The following CXorf58 variants were observed in gnomAD, a reference collection of about 807,000 sequenced individuals.
CXorf58 encodes the protein uncharacterized protein CXorf58.
A neutral mutation model predicts 26.0 loss-of-function variants in CXorf58; 24 were observed. The observed-to-expected ratio is 0.92, with a 90% CI of 0.67 to 1.30. The LOEUF (loss-of-function observed/expected upper bound fraction) is 1.30, where lower values mean the gene tolerates loss of function less well. CXorf58 is among the 50% of genes most tolerant of loss of function. The probability of loss-of-function intolerance (pLI) is 0.00; values close to 1 mark genes in which losing one functional copy is unlikely to be tolerated. For missense variants in CXorf58, 236 were observed against 263.9 expected (o/e 0.89, Z 0.73); for synonymous variants, 87 against 86.1 (o/e 1.01, Z -0.06).
intron 6 of CXorf58, among the ~76,000 whole-genome samples, chrX:23,934,814 G>A (rs1454541340): frequency 1.8e-5 from 2 of 110,079 alleles, no homozygotes; most frequent in African/African-American, 6.6e-5. Flanking sequence ...GTGAGCCACC[G>A]CACCTGGCCA....
At chrX:23,937,004 GC>G (rs1928310151) in intron 7 of CXorf58, among the ~76,000 whole-genome samples, 1 of 112,178 alleles carries the variant, frequency 8.9e-6, no homozygotes, top group African/African-American at 3.2e-5. Flanking sequence ...TAATTTAAGA[GC>G]CAAATAATTA....
intron 5 of CXorf58, among the ~76,000 whole-genome samples, chrX:23,917,596 T>C (rs1454531632): frequency 9.2e-6 from 1 of 109,136 alleles, no homozygotes; most frequent in African/African-American, 3.3e-5. Flanking sequence ...TTTTGTATTT[T>C]TAGTAGAGAC....
intron 6 of CXorf58, among the ~76,000 whole-genome samples, chrX:23,931,058 T>C (rs970320167): frequency 1.4e-4 from 16 of 112,288 alleles, no homozygotes; most frequent in Admixed American, 1.2e-3. Flanking sequence ...GGTCTGCAAC[T>C]AGACCCACAA....
intron 5 of CXorf58, among the ~76,000 whole-genome samples, chrX:23,920,662 C>T (rs1358972695): frequency 9.9e-5 from 11 of 111,124 alleles, no homozygotes; most frequent in African/African-American, 3.3e-4. Flanking sequence ...GAGGCCGAGG[C>T]GGGAGGATAA....
intron 6 of CXorf58, among the ~76,000 whole-genome samples, chrX:23,933,885 A>C (rs376086322): frequency 2.4e-3 from 212 of 89,141 alleles, no homozygotes; most frequent in African/African-American, 7.2e-3. Context: ...CGTCCCCCCC[A>C]AAAAAAAAAA....
At chrX:23,911,067 T>C (rs1291413864) in intron 2 of CXorf58, among the ~76,000 whole-genome samples, 1 of 111,073 alleles carries the variant, frequency 9.0e-6, no homozygotes, top group Non-Finnish European at 1.9e-5. Context: ...GTGTCTGGCC[T>C]AGCCTTTTCT....
chrX:23,915,798 A>G lies in CXorf58; in HGVS notation c.311+4A>G. 2.0e-6 allele frequency: 2 copies of G among 1,018,421 alleles called. No homozygotes were observed. 83.9% of individuals were successfully genotyped at this position (1,018,421 alleles called of 1,213,427 possible). A position where few individuals can be genotyped will look rare whatever the true frequency, so the allele number is the denominator to read the frequency against. ...TGCAGTGTAAAATTAGATTCAGGTAATGTATCTATGCTGATTTATTTCAAG... is the reference window on the plus strand; with the variant it reads ...TGCAGTGTAAAATTAGATTCAGGTAGTGTATCTATGCTGATTTATTTCAAG... On this transcript the variant is annotated splice_donor_region_variant and intron_variant, in intron 4 of 8. Transcript: ENST00000379211.
At position 23,939,434 on chromosome X, in the gene CXorf58, C is replaced by T. The variant is rs897385834; in HGVS notation, c.*131C>T. 9 of 444,813 alleles carry T rather than the reference C, an allele frequency of 2.0e-5. 1 individual carries two copies. In the African/African-American group the frequency reaches 2.2e-4, roughly 11 times the overall value. The allele number at this position is 444,813 out of a possible 1,213,427, so 36.7% of individuals were successfully genotyped here. On this transcript the variant is annotated 3_prime_UTR_variant, in exon 9 of 9. Coordinates refer to ENST00000379211, the MANE Select transcript of CXorf58 (RefSeq NM_152761.3). ...TAATGAACAGTTAATTGACAGAAAA[C>T]CAAAGTTGTTTAACAATCTGCTTGT...
intron 5 of CXorf58, among the ~76,000 whole-genome samples, chrX:23,923,796 C>T (rs1313198636): frequency 1.8e-5 from 2 of 111,048 alleles, no homozygotes; most frequent in African/African-American, 3.3e-5. Context: ...ACTGAAAATA[C>T]AGAAATTAGC....
chrX:23,912,725 C>T (rs919092631), intron 3 of CXorf58, among the ~76,000 whole-genome samples: 1 of 111,457 alleles, frequency 9.0e-6, no homozygotes, highest in Non-Finnish European at 1.9e-5. Flanking sequence ...GCCTGGGCGA[C>T]AGTGAGACTC....
intron 1 of CXorf58, among the ~76,000 whole-genome samples, chrX:23,910,050 C>A (rs1025549609): frequency 8.9e-5 from 10 of 111,779 alleles, no homozygotes; most frequent in South Asian, 7.3e-4. Context: ...GAGAAAAAGA[C>A]TGGAGACAGA....
chrX:23,920,504 G>A (rs770793920), intron 5 of CXorf58, among the ~76,000 whole-genome samples: 71 of 111,666 alleles, frequency 6.4e-4, no homozygotes, highest in Non-Finnish European at 1.2e-3. Flanking sequence ...TGCATGTGCG[G>A]CATTGACTCT....
chrX:23,928,347 A>AT (rs1211790172), intron 6 of CXorf58, among the ~76,000 whole-genome samples: 3 of 110,105 alleles, frequency 2.7e-5, no homozygotes, highest in African/African-American at 6.6e-5. Context: ...CTCCCAGCTA[A>AT]TTTTTTTGTA....
At chrX:23,923,573 A>T (rs767823531) in intron 5 of CXorf58, among the ~76,000 whole-genome samples, 1 of 105,020 alleles carries the variant, frequency 9.5e-6, no homozygotes, top group Non-Finnish European at 1.9e-5. Context: ...CGGGAGGCAG[A>T]GGTTACAGTG....
chrX:23,909,341 C>T (rs1213204506), intron 1 of CXorf58, among the ~76,000 whole-genome samples: 1 of 110,925 alleles, frequency 9.0e-6, no homozygotes, highest in Non-Finnish European at 1.9e-5. Flanking sequence ...GTAGTATTAA[C>T]ATTGATGACT....
Position 23,935,297 on chromosome X carries a change from T to C in CXorf58, c.657T>C (p.Tyr219=), listed in dbSNP as rs770343335. 2.9e-5 allele frequency: 35 copies of C among 1,205,841 alleles called. No individual in the cohort carries two copies. The highest frequency in any genetic ancestry group is 2.1e-4 in the African/African-American group (12 of 57,195). ...ATATTCCCAGGACAATGCTAATGTA[T>C]GACATAGTTCATTATTCAGAGTCTG... ...LENIPRTMLM[Y]DIVHYSESGV... Residue 219 remains tyrosine, a synonymous_variant, in exon 7 of 9, where the codon TAT becomes TAC. Coordinates refer to ENST00000379211, the MANE Select transcript of CXorf58 (RefSeq NM_152761.3).
chrX:23,934,869 C>CT (rs1010761877), intron 6 of CXorf58, among the ~76,000 whole-genome samples: 9 of 105,404 alleles, frequency 8.5e-5, no homozygotes, highest in Admixed American at 5.2e-4. Flanking sequence ...CTTTTCTTTT[C>CT]TTTTTTTTTC....
chrX:23,934,616 A>G (rs1437823044), intron 6 of CXorf58, among the ~76,000 whole-genome samples: 1 of 111,303 alleles, frequency 9.0e-6, no homozygotes, highest in Non-Finnish European at 1.9e-5. Flanking sequence ...GTACATGTGC[A>G]CAACGTGCAG....
Position 23,910,500 on chromosome X carries a change from C to G in CXorf58, c.116+82C>G, listed in dbSNP as rs770364783. On this transcript the variant is annotated intron_variant, in intron 2 of 8. Transcript: ENST00000379211. Reference sequence around the variant, plus strand: ...GTACTTATTCAGATAACTTCAAATGCTTCTTGTTTTGTAAATCAAAGTTTT... The same window carrying G: ...GTACTTATTCAGATAACTTCAAATGGTTCTTGTTTTGTAAATCAAAGTTTT... 43 of 512,788 alleles carry G rather than the reference C, an allele frequency of 8.4e-5. No homozygotes were observed. The African/African-American group carries it at 9.6e-4, about 11-fold the overall frequency. 42.3% of individuals were successfully genotyped at this position (512,788 alleles called of 1,213,427 possible).
Sources: allele counts gnomAD v4.1 joint callset (sites outside exome capture counted in the v4.1 genomes callset), GRCh38; gene constraint gnomAD v4.1.1; transcripts MANE v1.5; gene names NCBI Gene and HGNC (gene_info 2026-07-23, HGNC 2026-07-21).